FRRS1: variants seen among roughly 807,000 people sequenced by gnomAD.
FRRS1 encodes ferric reductase 1.
FRRS1 carries 51 observed loss-of-function variants against 70.7 expected under a neutral mutation model. The observed-to-expected ratio is 0.72, with a 90% CI of 0.58 to 0.91. FRRS1 has a LOEUF of 0.91. Ranked by LOEUF, FRRS1 falls within the 40% of genes least tolerant of loss-of-function variation. The probability of loss-of-function intolerance (pLI) is 0.00; values close to 1 mark genes in which losing one functional copy is unlikely to be tolerated. For synonymous variants in FRRS1, 225 were observed against 238.7 expected (o/e 0.94, Z 0.53); for missense variants, 672 against 726.0 (o/e 0.93, Z 0.86).
At chr1:99,766,013 C>T (rs1657337719) in intron 1 of FRRS1, among the ~76,000 whole-genome samples, 1 of 152,020 alleles carries the variant, frequency 6.6e-6, no homozygotes, top group Non-Finnish European at 1.5e-5. Flanking sequence ...TTCCTAATAA[C>T]ACATTTACAA....
chr1:99,764,818 C>A (rs1657275622), intron 1 of FRRS1, among the ~76,000 whole-genome samples: 1 of 152,192 alleles, frequency 6.6e-6, no homozygotes, highest in South Asian at 2.1e-4. Flanking sequence ...AGCACAATGA[C>A]CACCATTAAC....
At chr1:99,754,964 T>C (rs1354385468) in intron 1 of FRRS1, among the ~76,000 whole-genome samples, 1 of 152,018 alleles carries the variant, frequency 6.6e-6, no homozygotes, top group Non-Finnish European at 1.5e-5. Flanking sequence ...ACATGAAAGC[T>C]GGGGAGAATT....
rs116233916 is a variant in FRRS1 at position 99,716,414 on chromosome 1, T to C, written c.1237-742A>G. ...GTTGATAAAGAGAATACACACAGTC[T>C]TTGAGCTGGGAATATCCACATGAGC... On this transcript the variant is annotated intron_variant, in intron 11 of 16. Coordinates refer to ENST00000646001, the MANE Select transcript of FRRS1 (RefSeq NM_001361041.2). 7.6e-3 allele frequency among the ~76,000 whole-genome samples: 1,161 copies of C among 152,312 alleles called. 14 individuals carry two copies. Among genetic ancestry groups the C allele is most frequent in the African/African-American group, 0.026 (1,090 of 41,564 alleles).
At chr1:99,754,849 T>C (rs1395648167) in intron 1 of FRRS1, among the ~76,000 whole-genome samples, 9 of 152,180 alleles carry the variant, frequency 5.9e-5, no homozygotes, top group African/African-American at 2.2e-4. Flanking sequence ...ACGCCAGATA[T>C]TGTGCTGGGA....
At chr1:99,718,618 C>T (rs555921806) in intron 10 of FRRS1, among the ~76,000 whole-genome samples, 6 of 152,262 alleles carry the variant, frequency 3.9e-5, no homozygotes, top group East Asian at 3.9e-4. Context: ...CATGAGCCAC[C>T]GCGTACGGCC....
chr1:99,709,071 A>G lies in FRRS1; in HGVS notation c.1736T>C (p.Val579Ala), dbSNP rs1423305524. 1.9e-6 allele frequency: 3 copies of G among 1,614,058 alleles called. No homozygotes were observed. In the South Asian group the frequency reaches 3.3e-5, roughly 18 times the overall value. The change falls in exon 17 of 17, where the codon GTT becomes GCT. Residue 579 changes from valine (V) to alanine (A), a missense_variant. Transcript: ENST00000646001. ...AGATAAAAATATGATGAGAAAAGTA[A>G]CATTCCCACAGACATAAATTGCCAA... Reference protein sequence around the residue: ...AVLAIYVCGNVTFLIIFLSAI... With the variant: ...AVLAIYVCGNATFLIIFLSAI...
intron 7 of FRRS1, among the ~76,000 whole-genome samples, chr1:99,736,492 C>G (rs1322273658): frequency 6.6e-6 from 1 of 151,872 alleles, no homozygotes; most frequent in African/African-American, 2.4e-5. Context: ...TGGTATCCTA[C>G]ATCATTCTCA....
intron 1 of FRRS1, among the ~76,000 whole-genome samples, chr1:99,749,805 T>C (rs750515285): frequency 6.6e-6 from 1 of 152,218 alleles, no homozygotes; most frequent in African/African-American, 2.4e-5. Context: ...TCAACCACTT[T>C]GCTTCATGCA....
At chr1:99,732,741 T>G (rs2095784) in intron 7 of FRRS1, among the ~76,000 whole-genome samples, 75,194 of 151,986 alleles carry the variant, frequency 0.49, 22,588 homozygotes, top group African/African-American at 0.85. Context: ...TCCCAAAGTA[T>G]TGAGCACCAT....
intron 4 of FRRS1, among the ~76,000 whole-genome samples, chr1:99,745,665 C>T (rs933179045): frequency 1.3e-5 from 2 of 152,160 alleles, no homozygotes; most frequent in African/African-American, 2.4e-5. Flanking sequence ...GCCTGGATGA[C>T]AGAGCGAGAC....
chr1:99,740,508 A>T (rs1228455599), intron 6 of FRRS1, among the ~76,000 whole-genome samples: 1 of 152,246 alleles, frequency 6.6e-6, no homozygotes, highest in Non-Finnish European at 1.5e-5. Flanking sequence ...GCTCACATAG[A>T]GAAAACTAAG....
intron 5 of FRRS1, among the ~76,000 whole-genome samples, chr1:99,741,377 C>A (rs1458083806): frequency 6.6e-6 from 1 of 152,160 alleles, no homozygotes; most frequent in African/African-American, 2.4e-5. Flanking sequence ...GGGGTCACAC[C>A]CCCTTTTTCA....
chr1:99,734,864 G>C (rs1655570009), intron 7 of FRRS1, among the ~76,000 whole-genome samples: 1 of 152,204 alleles, frequency 6.6e-6, no homozygotes, highest in African/African-American at 2.4e-5. Flanking sequence ...CCAGCCTGCA[G>C]CTGGAAATCA....
At chr1:99,717,747 C>A (rs1654606718) in intron 10 of FRRS1, among the ~76,000 whole-genome samples, 1 of 152,194 alleles carries the variant, frequency 6.6e-6, no homozygotes, top group Non-Finnish European at 1.5e-5. Flanking sequence ...ATTCTAAATG[C>A]TTTACATATA....
intron 1 of FRRS1, among the ~76,000 whole-genome samples, chr1:99,751,843 A>G (rs1353328181): frequency 6.6e-6 from 1 of 152,216 alleles, no homozygotes; most frequent in Admixed American, 6.5e-5. Flanking sequence ...AAATAAGTGA[A>G]GGTAAAGTAA....
Position 99,721,598 on chromosome 1 carries a change from C to CT in FRRS1, c.1007-1952dup, listed in dbSNP as rs1177894215. 2.2e-3 allele frequency among the ~76,000 whole-genome samples: 314 copies of CT among 140,402 alleles called. 1 individual carries two copies. Among genetic ancestry groups the CT allele is most frequent in the Middle Eastern group, 3.8e-3 (1 of 264 alleles). 92.1% of individuals were successfully genotyped at this position (140,402 alleles called of 152,430 possible). On this transcript the variant is annotated intron_variant, in intron 9 of 16. Coordinates refer to ENST00000646001, the MANE Select transcript of FRRS1 (RefSeq NM_001361041.2). ...GGAGAGTAATAACAATAGAAAAATT[C>CT]TTTTTTTTTTTTTTTCTTGAGATGG... is the stretch of plus-strand genomic sequence containing the variant.
At chr1:99,754,097 CA>C (rs1223248870) in intron 1 of FRRS1, among the ~76,000 whole-genome samples, 1 of 152,110 alleles carries the variant, frequency 6.6e-6, no homozygotes, top group East Asian at 1.9e-4. Context: ...CATAACAATG[CA>C]ATAGAGCATC....
chr1:99,719,956 T>C (rs994412375), intron 9 of FRRS1, among the ~76,000 whole-genome samples: 2 of 152,122 alleles, frequency 1.3e-5, no homozygotes, highest in African/African-American at 4.8e-5. Context: ...TTAAAATAAG[T>C]GCTGTTAATA....
At chr1:99,757,098 T>C (rs1656874717) in intron 1 of FRRS1, among the ~76,000 whole-genome samples, 1 of 151,282 alleles carries the variant, frequency 6.6e-6, no homozygotes, top group Non-Finnish European at 1.5e-5. Context: ...TTTTTTGCAA[T>C]ATATAGTGGT....
Sources: gnomAD v4.1 joint callset for allele counts (sites outside exome capture counted in the v4.1 genomes callset) on GRCh38, gnomAD v4.1.1 for gene constraint, MANE v1.5 for transcripts, NCBI Gene and HGNC (gene_info 2026-07-23, HGNC 2026-07-21) for gene names.